The following TMEM117 variants were observed in gnomAD, a reference collection of about 807,000 sequenced individuals.
TMEM117 encodes transmembrane protein 117.
A neutral mutation model predicts 52.4 loss-of-function variants in TMEM117; 27 were observed. The observed-to-expected ratio is 0.51, with a 90% CI of 0.38 to 0.71. The LOEUF (loss-of-function observed/expected upper bound fraction) is 0.71. Among genes scored for constraint, TMEM117 ranks in the 30% least tolerant of loss-of-function variants. The pLI is 0.00. For missense variants in TMEM117, 556 were observed against 630.5 expected (o/e 0.88, Z 1.26); for synonymous variants, 215 against 206.3 (o/e 1.04, Z -0.36).
chr12:43,906,369 A>G (rs1944387559), intron 2 of TMEM117, among the ~76,000 whole-genome samples: 1 of 151,936 alleles, frequency 6.6e-6, no homozygotes, highest in Admixed American at 6.6e-5. Context: ...AGGCTGAGGC[A>G]GGAGGATCAC....
chr12:43,917,280 A>G (rs1403378687), intron 2 of TMEM117, among the ~76,000 whole-genome samples: 1 of 150,958 alleles, frequency 6.6e-6, no homozygotes, highest in Non-Finnish European at 1.5e-5. Context: ...ACGAGCCTGT[A>G]GTCCTAGCTA....
the TMEM117 span, among the ~76,000 whole-genome samples, chr12:43,800,093 T>TGAC: frequency 6.6e-6 from 1 of 152,120 alleles, no homozygotes; most frequent in Admixed American, 6.5e-5. Flanking sequence ...CTAGATTATA[T>TGAC]GACTTTCTGA....
chr12:43,890,585 G>A (rs968609112), intron 2 of TMEM117, among the ~76,000 whole-genome samples: 4 of 151,978 alleles, frequency 2.6e-5, no homozygotes, highest in Non-Finnish European at 4.4e-5. Context: ...AGGCTGGAGT[G>A]TAGTGGTGCA....
chr12:43,845,161 TA>T (rs200875818), intron 2 of TMEM117, among the ~76,000 whole-genome samples: 3,403 of 150,602 alleles, frequency 0.023, 79 homozygotes, highest in East Asian at 0.067. Context: ...CAAACTTCAT[TA>T]AAAAAAAATA....
Position 44,179,714 on chromosome 12 carries a change from G to A in TMEM117, c.511-31576G>A, listed in dbSNP as rs544161131. Among the ~76,000 whole-genome samples, 23 of 152,322 alleles carry A rather than the reference G, an allele frequency of 1.5e-4. No homozygotes were observed. The South Asian group carries it at 3.3e-3, about 22-fold the overall frequency. ...CCTCGCAGACACACCCAGGAACAAC[G>A]CTTCTTCAGCCACCTGGGCATCCCT... is the stretch of plus-strand genomic sequence containing the variant. On this transcript the variant is annotated intron_variant, in intron 4 of 7. Transcript: ENST00000266534.
chr12:44,152,184 AAAATATATAT>A (rs1424340873), intron 4 of TMEM117, among the ~76,000 whole-genome samples: 9 of 109,346 alleles, frequency 8.2e-5, no homozygotes, highest in African/African-American at 3.0e-4. Context: ...TTATATTTAT[AAAATATATAT>A]AAATATAATT....
chr12:43,818,436 T>C, the TMEM117 span, among the ~76,000 whole-genome samples: 2 of 151,740 alleles, frequency 1.3e-5, no homozygotes, highest in African/African-American at 4.9e-5. Flanking sequence ...TTTTTGTGTT[T>C]TTTTTTTGTT....
chr12:44,297,503 A>G (rs1042215814), intron 5 of TMEM117, among the ~76,000 whole-genome samples: 2 of 152,174 alleles, frequency 1.3e-5, no homozygotes, highest in African/African-American at 4.8e-5. Context: ...GGAGAAAAAG[A>G]AAGTGGGATA....
At chr12:44,037,550 G>A (rs1045029479) in intron 3 of TMEM117, among the ~76,000 whole-genome samples, 2 of 152,204 alleles carry the variant, frequency 1.3e-5, no homozygotes, top group African/African-American at 4.8e-5. Flanking sequence ...CCCCTGTGAA[G>A]CCCCATCTTC....
chr12:44,045,726 C>G (rs1946871877), intron 3 of TMEM117, among the ~76,000 whole-genome samples: 1 of 152,028 alleles, frequency 6.6e-6, no homozygotes, highest in Admixed American at 6.5e-5. Context: ...ATCTGTAATC[C>G]CAGCCACTAG....
chr12:44,206,470 G>A (rs1565591033), intron 4 of TMEM117, among the ~76,000 whole-genome samples: 1 of 152,178 alleles, frequency 6.6e-6, no homozygotes, highest in Non-Finnish European at 1.5e-5. Context: ...GCAGGCATAT[G>A]CCTAAAGGAT....
intron 6 of TMEM117, among the ~76,000 whole-genome samples, chr12:44,300,558 T>C (rs1950826811): frequency 6.6e-6 from 1 of 152,218 alleles, no homozygotes; most frequent in African/African-American, 2.4e-5. Flanking sequence ...GCAGATTGGT[T>C]TTCTCATTTC....
At chr12:43,984,821 G>A (rs982976016) in intron 3 of TMEM117, among the ~76,000 whole-genome samples, 1 of 152,054 alleles carries the variant, frequency 6.6e-6, no homozygotes, top group Admixed American at 6.6e-5. Context: ...AAAATGGAAC[G>A]TTTGTTTTAA....
intron 6 of TMEM117, among the ~76,000 whole-genome samples, chr12:44,318,920 AG>A (rs1951094684): frequency 6.6e-6 from 1 of 152,224 alleles, no homozygotes; most frequent in African/African-American, 2.4e-5. Context: ...TCAGGTGAGC[AG>A]GATGGAGCTC....
At chr12:44,273,814 A>G (rs971997552) in intron 5 of TMEM117, among the ~76,000 whole-genome samples, 1 of 152,156 alleles carries the variant, frequency 6.6e-6, no homozygotes, top group African/African-American at 2.4e-5. Context: ...TATAGAAGGA[A>G]CACACCTCAG....
At chr12:44,213,119 A>G (rs1215478532) in intron 5 of TMEM117, among the ~76,000 whole-genome samples, 1 of 152,178 alleles carries the variant, frequency 6.6e-6, no homozygotes, top group Non-Finnish European at 1.5e-5. Context: ...TTTAATGATT[A>G]TAAGAAATAT....
At chr12:43,991,360 C>T (rs185340439) in intron 3 of TMEM117, among the ~76,000 whole-genome samples, 24 of 152,130 alleles carry the variant, frequency 1.6e-4, no homozygotes, top group Middle Eastern at 3.4e-3. Context: ...TTGAGCACCT[C>T]GGGAGATAAG....
At chr12:44,061,785 A>T (rs1947142370) in intron 3 of TMEM117, among the ~76,000 whole-genome samples, 1 of 152,108 alleles carries the variant, frequency 6.6e-6, no homozygotes, top group South Asian at 2.1e-4. Context: ...TAAGATTAGG[A>T]TAGTTGAGGT....
the TMEM117 span, among the ~76,000 whole-genome samples, chr12:43,821,078 A>G: frequency 2.6e-5 from 4 of 151,386 alleles, no homozygotes; most frequent in Non-Finnish European, 5.9e-5. Context: ...CTGGGCAACA[A>G]AGCAAGACTC....
Sources: allele counts gnomAD v4.1 joint callset (sites outside exome capture counted in the v4.1 genomes callset), GRCh38; gene constraint gnomAD v4.1.1; transcripts MANE v1.5; gene names NCBI Gene and HGNC (gene_info 2026-07-23, HGNC 2026-07-21).